BTBD9: variants seen among roughly 807,000 people sequenced by gnomAD.
BTBD9 encodes BTB domain containing 9.
A neutral mutation model predicts 64.3 loss-of-function variants in BTBD9; 49 were observed. The ratio of observed to expected loss-of-function variants is 0.76; its 90% CI spans 0.61 to 0.97. The LOEUF (loss-of-function observed/expected upper bound fraction) is 0.97. Ranked by LOEUF, BTBD9 falls within the 50% of genes least tolerant of loss-of-function variation. The pLI, the probability that BTBD9 is intolerant of heterozygous loss-of-function variation, is 0.00. For synonymous variants in BTBD9, 260 were observed against 274.7 expected, an observed-to-expected ratio of 0.95 and a Z score of 0.53; for missense variants, 598 against 762.1, an observed-to-expected ratio of 0.78 and a Z score of 2.53.
At chr6:38,629,488 T>G (rs1258235862) in intron 1 of BTBD9, among the ~76,000 whole-genome samples, 1 of 152,230 alleles carries the variant, frequency 6.6e-6, no homozygotes, top group African/African-American at 2.4e-5. Context: ...AATGTGGATC[T>G]AATCATAACC....
At chr6:38,245,882 G>A (rs1489113131) in intron 9 of BTBD9, among the ~76,000 whole-genome samples, 1 of 152,202 alleles carries the variant, frequency 6.6e-6, no homozygotes, top group Non-Finnish European at 1.5e-5. Context: ...ACAGCTCACT[G>A]AGAAAGTTTT....
At chr6:38,299,247 A>C (rs1224990003) in intron 7 of BTBD9, among the ~76,000 whole-genome samples, 3 of 152,136 alleles carry the variant, frequency 2.0e-5, no homozygotes, top group Admixed American at 1.3e-4. Context: ...TTCTTAATCC[A>C]GTCTATCATT....
intron 6 of BTBD9, among the ~76,000 whole-genome samples, chr6:38,479,279 G>A (rs554681708): frequency 1.3e-5 from 2 of 152,200 alleles, no homozygotes; most frequent in African/African-American, 4.8e-5. Flanking sequence ...CCCACCCACT[G>A]AGCACTGGCC....
intron 6 of BTBD9, among the ~76,000 whole-genome samples, chr6:38,536,649 G>A (rs1480586692): frequency 6.6e-6 from 1 of 152,094 alleles, no homozygotes; most frequent in Non-Finnish European, 1.5e-5. Context: ...CATAAAAAAA[G>A]AATAAGATCC....
At chr6:38,177,995 C>G (rs1761356697) in intron 10 of BTBD9, among the ~76,000 whole-genome samples, 1 of 152,210 alleles carries the variant, frequency 6.6e-6, no homozygotes, top group Non-Finnish European at 1.5e-5. Flanking sequence ...CCTGGAAGCC[C>G]TAGGCCGTAA....
chr6:38,283,231 C>T (rs145762523), intron 8 of BTBD9, among the ~76,000 whole-genome samples: 1,921 of 152,302 alleles, frequency 0.013, 16 homozygotes, highest in Middle Eastern at 0.027. Context: ...TACCCAACTA[C>T]GGAGTAAACT....
At chr6:38,421,266 G>C (rs115374814) in intron 6 of BTBD9, among the ~76,000 whole-genome samples, 39 of 152,184 alleles carry the variant, frequency 2.6e-4, no homozygotes, top group Admixed American at 1.4e-3. Context: ...TGAGACACGA[G>C]AATCACTTCA....
At chr6:38,438,185 AAGGAGGAAAGGAGG>A (rs1768829054) in intron 6 of BTBD9, among the ~76,000 whole-genome samples, 1 of 128,840 alleles carries the variant, frequency 7.8e-6, no homozygotes, top group Admixed American at 8.3e-5. Flanking sequence ...GGAAGGAAGG[AAGGAGGAAAGGAGG>A]AAAGGAAGGA....
At chr6:38,411,264 G>A (rs144097521) in intron 6 of BTBD9, among the ~76,000 whole-genome samples, 4 of 152,184 alleles carry the variant, frequency 2.6e-5, no homozygotes, top group African/African-American at 7.2e-5. Context: ...GAATAGCCAA[G>A]AAAACCCTGA....
In BTBD9 at chr6:38,374,316, T is replaced by TATATATATATATATAC. The variant is rs1562095814; in HGVS notation, c.1155-29224_1155-29223insGTATATATATATATAT. On this transcript the variant is annotated intron_variant, in intron 6 of 10. Transcript: ENST00000481247. ...ATATATGTATATATATGTATATATA[T>TATATATATATATATAC]ATATATATATGTATATAAAATCTGT... Among the ~76,000 whole-genome samples the TATATATATATATATAC allele has an allele frequency of 7.4e-4, 86 of 116,308 alleles. 2 individuals are homozygous for TATATATATATATATAC. Among genetic ancestry groups the TATATATATATATATAC allele is most frequent in the African/African-American group, 3.0e-3 (83 of 28,134 alleles). 76.3% of individuals were successfully genotyped at this position (116,308 alleles called of 152,430 possible). A position where few individuals can be genotyped will look rare whatever the true frequency, so the allele number is the denominator to read the frequency against.
chr6:38,303,874 T>TATATATATATATATATACAC (rs368257334), intron 7 of BTBD9, among the ~76,000 whole-genome samples: 13 of 82,634 alleles, frequency 1.6e-4, no homozygotes, highest in Non-Finnish European at 1.9e-4. Context: ...TATATATATA[T>TATATATATATATATATACAC]ACACACACAC....
At chr6:38,349,287 G>A (rs1031396589) in intron 6 of BTBD9, among the ~76,000 whole-genome samples, 4 of 151,974 alleles carry the variant, frequency 2.6e-5, no homozygotes, top group Non-Finnish European at 4.4e-5. Context: ...TGAAAATATC[G>A]AATGCAGTGC....
Position 38,177,273 on chromosome 6 carries a change from G to C in BTBD9, c.1642-2091C>G, listed in dbSNP as rs75173496. ...TTCTCAAGCTCACTCCTCTGGTATT[G>C]AATGGTTTTTCTCTCCTTTTGCTCT... On this transcript the variant is annotated intron_variant, in intron 10 of 10. Coordinates refer to ENST00000481247, the MANE Select transcript of BTBD9 (RefSeq NM_001099272.2). 4.8e-4 allele frequency among the ~76,000 whole-genome samples: 73 copies of C among 152,282 alleles called. No individual in the cohort carries two copies. In the East Asian group the frequency reaches 0.013, roughly 28 times the overall value.
rs1489858790 is a variant in BTBD9, at chr6:38,172,208, G to A, written c.*2777C>T. ...CACTCTCTGCTGGGCTGAGGGCTCT[G>A]TGGTGCCCAGGAGCCCTCCCAGCCA... On this transcript the variant is annotated 3_prime_UTR_variant, in exon 11 of 11. Coordinates refer to ENST00000481247, the MANE Select transcript of BTBD9 (RefSeq NM_001099272.2). The A allele has an allele frequency of 6.6e-6, 1 of 152,340 alleles. No homozygotes were observed. The highest frequency in any genetic ancestry group is 1.5e-5 in the Non-Finnish European group (1 of 68,134). The allele number at this position is 152,340 out of a possible 1,614,324, so 9.4% of individuals were successfully genotyped here.
chr6:38,374,310 T>TATATATATATATAC (rs1582317819), intron 6 of BTBD9, among the ~76,000 whole-genome samples: 1 of 102,876 alleles, frequency 9.7e-6, no homozygotes, highest in Non-Finnish European at 1.9e-5. Context: ...TATATATGTA[T>TATATATATATATAC]ATATATATAT....
chr6:38,325,443 T>G (rs1215451596), intron 7 of BTBD9, among the ~76,000 whole-genome samples: 3 of 152,218 alleles, frequency 2.0e-5, no homozygotes, highest in Admixed American at 2.0e-4. Flanking sequence ...CCCAGCACTT[T>G]GGGAGGCCGA....
intron 8 of BTBD9, among the ~76,000 whole-genome samples, chr6:38,261,281 T>C (rs1764782746): frequency 6.6e-6 from 1 of 152,188 alleles, no homozygotes; most frequent in African/African-American, 2.4e-5. Flanking sequence ...TTATTGTCTT[T>C]GAATGATTCT....
intron 6 of BTBD9, among the ~76,000 whole-genome samples, chr6:38,374,300 T>TATAC (rs1765569749): frequency 1.2e-5 from 1 of 86,584 alleles, no homozygotes; most frequent in Non-Finnish European, 2.0e-5. Flanking sequence ...TATATATGTA[T>TATAC]ATATATGTAT....
chr6:38,569,469 G>C (rs1582648213), intron 6 of BTBD9, among the ~76,000 whole-genome samples: 3 of 152,298 alleles, frequency 2.0e-5, no homozygotes, highest in South Asian at 4.1e-4. Flanking sequence ...ACTGTTAGCA[G>C]AGGCAAATAT....
Sources: gnomAD v4.1 joint callset for allele counts (sites outside exome capture counted in the v4.1 genomes callset) on GRCh38, gnomAD v4.1.1 for gene constraint, MANE v1.5 for transcripts, NCBI Gene and HGNC (gene_info 2026-07-23, HGNC 2026-07-21) for gene names.